Variants in PAM observed in about 807,000 individuals in gnomAD.
PAM encodes peptidylglycine alpha-amidating monooxygenase.
PAM carries 72 observed loss-of-function variants against 122.1 expected under a neutral mutation model. The ratio of observed to expected loss-of-function variants is 0.59; its 90% confidence interval spans 0.49 to 0.72. The LOEUF is 0.72. PAM is among the 30% of genes least tolerant of loss of function. The pLI is 0.00. For synonymous variants in PAM, 389 were observed against 404.4 expected, an observed-to-expected ratio of 0.96 and a Z score of 0.46; for missense variants, 1,106 against 1,183.7, an observed-to-expected ratio of 0.93 and a Z score of 0.96.
chr5:102,828,155 A>G (rs544749093), intron 1 of PAM, among the ~76,000 whole-genome samples: 2 of 152,170 alleles, frequency 1.3e-5, no homozygotes, highest in East Asian at 3.9e-4. Context: ...CCTGGGCAAC[A>G]TGGCGAGACC....
intron 17 of PAM, among the ~76,000 whole-genome samples, chr5:103,003,672 C>G (rs1778084134): frequency 6.6e-6 from 1 of 152,142 alleles, no homozygotes; most frequent in South Asian, 2.1e-4. Context: ...AATATGTAGT[C>G]AAGCTTGTTA....
chr5:102,806,688 G>A (rs1236302863), intron 1 of PAM, among the ~76,000 whole-genome samples: 1 of 152,144 alleles, frequency 6.6e-6, no homozygotes, highest in Non-Finnish European at 1.5e-5. Context: ...TGAAAGAATA[G>A]GAGTAATTCC....
intron 7 of PAM, among the ~76,000 whole-genome samples, chr5:102,936,582 G>T (rs1753329576): frequency 1.3e-5 from 2 of 152,090 alleles, no homozygotes; most frequent in African/African-American, 4.8e-5. Flanking sequence ...ACAACCATCA[G>T]TGGGCTATAA....
chr5:102,793,466 G>A (rs1024073810), intron 1 of PAM, among the ~76,000 whole-genome samples: 2 of 152,198 alleles, frequency 1.3e-5, no homozygotes, highest in African/African-American at 4.8e-5. Context: ...GGGAGGTGGA[G>A]GCTGCAGTGA....
Position 102,826,467 on chromosome 5 carries a change from A to G in PAM, c.-373-39356A>G, listed in dbSNP as rs2150373100. Among the ~76,000 whole-genome samples the G allele has an allele frequency of 1.3e-5, 2 of 152,264 alleles. 1 individual carries two copies. Among genetic ancestry groups the G allele is most frequent in the South Asian group, 4.2e-4 (2 of 4,818 alleles). On this transcript the variant is annotated intron_variant, in intron 1 of 25. Coordinates refer to ENST00000438793, the MANE Select transcript of PAM (RefSeq NM_001177306.2). ...TGGATTTGGTATAAAACAACCGAGG[A>G]GCTTGTATGACTTTGTAGACATACG...
At chr5:102,863,309 C>T (rs575234590) in intron 1 of PAM, among the ~76,000 whole-genome samples, 43 of 152,226 alleles carry the variant, frequency 2.8e-4, no homozygotes, top group African/African-American at 1.0e-3. Context: ...CTGCCATTTC[C>T]CTGTACCTGT....
chr5:102,765,983 C>T (rs945989135), intron 1 of PAM, among the ~76,000 whole-genome samples: 1 of 151,938 alleles, frequency 6.6e-6, no homozygotes, highest in African/African-American at 2.4e-5. Context: ...TATGGGGACA[C>T]AACTCAACCC....
At chr5:103,005,517 G>C (rs1290778160) in intron 18 of PAM, among the ~76,000 whole-genome samples, 1 of 152,112 alleles carries the variant, frequency 6.6e-6, no homozygotes, top group Non-Finnish European at 1.5e-5. Context: ...TGGGTTATAG[G>C]CTGCTAATTT....
At position 102,771,646 on chromosome 5, in the gene PAM, G is replaced by A. The variant is rs184234247; in HGVS notation, c.-374+16298G>A. ...CACAAAGGAAGGAAACTGGAGGAGT[G>A]ACCTTTCAAATTCTTGAGAGGAGGA... On this transcript the variant is annotated intron_variant, in intron 1 of 25. Transcript: ENST00000438793. 1.5e-3 allele frequency among the ~76,000 whole-genome samples: 233 copies of A among 152,214 alleles called. 1 individual carries two copies. The highest frequency in any genetic ancestry group is 5.3e-3 in the African/African-American group (219 of 41,546).
At chr5:102,878,674 G>A (rs1036888009) in intron 3 of PAM, among the ~76,000 whole-genome samples, 1 of 151,818 alleles carries the variant, frequency 6.6e-6, no homozygotes, top group Non-Finnish European at 1.5e-5. Context: ...ATCTTGACCT[G>A]TGCAGGCCTA....
chr5:102,803,129 AAAAG>A lies in PAM; in HGVS notation c.-374+47798_-374+47801del, dbSNP rs1245134657. Among the ~76,000 whole-genome samples, 594 of 142,868 alleles carry A rather than the reference AAAAG, an allele frequency of 4.2e-3. 2 individuals are homozygous for A. Among genetic ancestry groups the A allele is most frequent in the Non-Finnish European group, 5.2e-3 (345 of 66,938 alleles). The allele number at this position is 142,868 out of a possible 152,430, so 93.7% of individuals were successfully genotyped here. On this transcript the variant is annotated intron_variant, in intron 1 of 25. Transcript: ENST00000438793. ...CAGAGAGAGATTCTGTGTCCAAAAAAAAAGAAAGAAAGAAAGAAAGGAAGGAAGG... is the reference window on the plus strand; with the variant it reads ...CAGAGAGAGATTCTGTGTCCAAAAAAAAAGAAAGAAAGAAAGGAAGGAAGG...
intron 21 of PAM, among the ~76,000 whole-genome samples, chr5:103,012,670 C>T (rs557573282): frequency 1.2e-3 from 189 of 152,052 alleles, no homozygotes; most frequent in South Asian, 4.0e-3. Context: ...CTGGCTAACA[C>T]GGTGAAACCC....
chr5:102,828,766 T>C (rs1774429488), intron 1 of PAM, among the ~76,000 whole-genome samples: 1 of 152,198 alleles, frequency 6.6e-6, no homozygotes, highest in African/African-American at 2.4e-5. Context: ...GTGGCCTTGG[T>C]AAGAGTTGGT....
chr5:102,970,958 C>G (rs183958855), intron 14 of PAM, among the ~76,000 whole-genome samples: 7 of 152,198 alleles, frequency 4.6e-5, no homozygotes, highest in Admixed American at 2.0e-4. Flanking sequence ...AGGTGCCCAC[C>G]ACCACACCTG....
At chr5:102,901,312 C>A in intron 3 of PAM, 44 bp from the exon 4 acceptor site, 1 of 1,122,054 alleles carries the variant, frequency 8.9e-7, no homozygotes, top group Non-Finnish European at 1.3e-6. Context: ...TTCTTCCTTA[C>A]TAGCAACAGT....
chr5:102,944,625 A>G (rs1756447871), intron 7 of PAM, among the ~76,000 whole-genome samples: 1 of 151,960 alleles, frequency 6.6e-6, no homozygotes, highest in Non-Finnish European at 1.5e-5. Context: ...CAAAACTCAG[A>G]AAAAAAATAA....
In PAM at chr5:102,866,074, G is replaced by A. The variant is rs1395205089; in HGVS notation, c.-122G>A. 3.6e-6 allele frequency: 2 copies of A among 558,166 alleles called. No individual in the cohort carries two copies. Among genetic ancestry groups the A allele is most frequent in the African/African-American group, 2.0e-5 (1 of 49,732 alleles). The allele number at this position is 558,166 out of a possible 1,614,324, so 34.6% of individuals were successfully genotyped here. A position where few individuals can be genotyped will look rare whatever the true frequency, so the allele number is the denominator to read the frequency against. On this transcript the variant is annotated 5_prime_UTR_variant, in exon 2 of 26. Transcript: ENST00000438793. ...TGGCGGATGGTGTGTGGCCGCCGCA[G>A]GACGCCCGCCGTGCCCGGGCCATGA...
At chr5:102,771,862 A>G (rs1188478548) in intron 1 of PAM, among the ~76,000 whole-genome samples, 2 of 152,112 alleles carry the variant, frequency 1.3e-5, no homozygotes, top group Non-Finnish European at 2.9e-5. Context: ...GATATGCTAG[A>G]AGGGCTGTGG....
chr5:102,793,864 G>A (rs1348155656), intron 1 of PAM, among the ~76,000 whole-genome samples: 2 of 152,058 alleles, frequency 1.3e-5, no homozygotes, highest in African/African-American at 2.4e-5. Context: ...AACTTTTAAA[G>A]TCAGCAATAT....
Sources: allele counts gnomAD v4.1 joint callset (sites outside exome capture counted in the v4.1 genomes callset), GRCh38; gene constraint gnomAD v4.1.1; transcripts MANE v1.5; gene names NCBI Gene and HGNC (gene_info 2026-07-23, HGNC 2026-07-21).